GULP1: variants seen among roughly 807,000 people sequenced by gnomAD.
The protein encoded by GULP1 is PTB domain-containing engulfment adapter protein 1.
In GULP1, 19 loss-of-function variants were observed where a neutral mutation model predicts 40.9. That is an observed-to-expected ratio of 0.46 (90% CI 0.32 to 0.68). GULP1 has a LOEUF of 0.68. Ranked by LOEUF, GULP1 falls within the 30% of genes least tolerant of loss-of-function variation. The probability of loss-of-function intolerance (pLI) is 0.03; values close to 1 mark genes in which losing one functional copy is unlikely to be tolerated. For synonymous variants in GULP1, 119 were observed against 117.6 expected (o/e 1.01, Z -0.08); for missense variants, 312 against 362.2 (o/e 0.86, Z 1.12).
At chr2:188,482,575 A>G (rs568953461) in intron 3 of GULP1, among the ~76,000 whole-genome samples, 8 of 151,988 alleles carry the variant, frequency 5.3e-5, no homozygotes, top group African/African-American at 1.4e-4. Flanking sequence ...AAAAAAGCCA[A>G]TCTGTTTCAT....
At chr2:188,327,769 C>T (rs1241680648) in intron 1 of GULP1, among the ~76,000 whole-genome samples, 1 of 152,002 alleles carries the variant, frequency 6.6e-6, no homozygotes, top group Non-Finnish European at 1.5e-5. Flanking sequence ...TTATTTTGCA[C>T]TTAGTAGAAT....
intron 1 of GULP1, among the ~76,000 whole-genome samples, chr2:188,309,157 G>A (rs555210891): frequency 7.9e-5 from 12 of 152,124 alleles, no homozygotes; most frequent in Middle Eastern, 3.4e-3. Context: ...GTAACATCAC[G>A]AATGATCTCT....
At chr2:188,409,927 T>C (rs1452576849) in intron 2 of GULP1, among the ~76,000 whole-genome samples, 1 of 152,176 alleles carries the variant, frequency 6.6e-6, no homozygotes, top group East Asian at 1.9e-4. Flanking sequence ...GCTGGAAGCA[T>C]CACACTACCT....
intron 2 of GULP1, among the ~76,000 whole-genome samples, chr2:188,420,444 C>T (rs1236800081): frequency 6.6e-6 from 1 of 152,108 alleles, no homozygotes; most frequent in Non-Finnish European, 1.5e-5. Flanking sequence ...GGCCTTTTCA[C>T]TCCTGTAGTT....
chr2:188,528,305 T>G (rs111901150), intron 5 of GULP1, among the ~76,000 whole-genome samples: 3 of 152,264 alleles, frequency 2.0e-5, no homozygotes, highest in African/African-American at 7.2e-5. Context: ...TATTAATTGT[T>G]TAATACTCAA....
intron 1 of GULP1, among the ~76,000 whole-genome samples, chr2:188,352,787 A>C (rs771478619): frequency 1.1e-4 from 16 of 152,282 alleles, no homozygotes; most frequent in Non-Finnish European, 2.4e-4. Flanking sequence ...AGGAACTGAA[A>C]TAGGAAAATG....
intron 2 of GULP1, among the ~76,000 whole-genome samples, chr2:188,417,630 A>C (rs2054761145): frequency 6.6e-6 from 1 of 152,230 alleles, no homozygotes; most frequent in African/African-American, 2.4e-5. Context: ...AATTTTAATG[A>C]AAATTTGGCT....
chr2:188,373,084 T>TTA (rs35999526), intron 1 of GULP1, among the ~76,000 whole-genome samples: 38 of 150,610 alleles, frequency 2.5e-4, no homozygotes, highest in Non-Finnish European at 3.6e-4. Context: ...AAGGGAATGA[T>TTA]TATATATATA....
intron 1 of GULP1, among the ~76,000 whole-genome samples, chr2:188,373,438 A>G (rs561097820): frequency 6.6e-6 from 1 of 152,094 alleles, no homozygotes; most frequent in African/African-American, 2.4e-5. Flanking sequence ...CCAGTTTTCA[A>G]TACTGAAATT....
intron 9 of GULP1, among the ~76,000 whole-genome samples, chr2:188,576,688 C>G (rs896766060): frequency 1.3e-5 from 2 of 152,102 alleles, no homozygotes; most frequent in African/African-American, 4.8e-5. Context: ...TTACATACCT[C>G]TGCATCACAC....
intron 8 of GULP1, chr2:188,569,575 T>G (rs1384973370): frequency 2.1e-6 from 1 of 471,894 alleles, no homozygotes; most frequent in Non-Finnish European, 3.8e-6. Flanking sequence ...CTTAGTGTTC[T>G]CATGTGACTT....
At chr2:188,505,686 A>G (rs1202351608) in intron 4 of GULP1, among the ~76,000 whole-genome samples, 1 of 151,866 alleles carries the variant, frequency 6.6e-6, no homozygotes, top group Non-Finnish European at 1.5e-5. Context: ...ATCAGTGCAC[A>G]GTCCTATTCA....
chr2:188,306,195 C>G (rs1181011642), intron 1 of GULP1, among the ~76,000 whole-genome samples: 1 of 152,062 alleles, frequency 6.6e-6, no homozygotes, highest in Non-Finnish European at 1.5e-5. Flanking sequence ...TCAACATGTA[C>G]TTTTCACTTA....
rs1360771365 is a variant in GULP1, at chr2:188,301,961, T to C, written c.-172+9795T>C. ...TACTATATTTCTGGATTTACTGCTG[T>C]GTGAGATAATGAATTTCTTTCTTTT... On this transcript the variant is annotated intron_variant, in intron 1 of 11. Transcript: ENST00000409830. 1.3e-5 allele frequency among the ~76,000 whole-genome samples: 2 copies of C among 152,184 alleles called. 1 individual carries two copies. The highest frequency in any genetic ancestry group is 2.9e-5 in the Non-Finnish European group (2 of 68,034).
rs372357982 is a variant in GULP1 at position 188,567,925 on chromosome 2, A to T, written c.400-1314A>T. On this transcript the variant is annotated intron_variant, in intron 7 of 11. Coordinates refer to ENST00000409830, the MANE Select transcript of GULP1 (RefSeq NM_016315.4). ...TACAAATAATCTTAATATCTAACAC[A>T]ACCAATTAGTTTAAGTCAATGAACA... Among the ~76,000 whole-genome samples, 40 of 152,242 alleles carry T rather than the reference A, an allele frequency of 2.6e-4. 1 individual carries two copies. The highest frequency in any genetic ancestry group is 9.4e-4 in the African/African-American group (39 of 41,562).
chr2:188,573,822 A>G (rs867271456), intron 9 of GULP1, among the ~76,000 whole-genome samples: 3 of 152,218 alleles, frequency 2.0e-5, no homozygotes, highest in South Asian at 4.1e-4. Flanking sequence ...GGTATGGTGT[A>G]TGCAATTAAT....
rs1462302207 is a variant in GULP1 at position 188,364,798 on chromosome 2, CATA to C, written c.-171-18964_-171-18962del. Among the ~76,000 whole-genome samples, 4 of 108,646 alleles carry C rather than the reference CATA, an allele frequency of 3.7e-5. No homozygotes were observed. In the East Asian group the frequency reaches 8.7e-4, roughly 24 times the overall value. The allele number at this position is 108,646 out of a possible 152,430, so 71.3% of individuals were successfully genotyped here. On this transcript the variant is annotated intron_variant, in intron 1 of 11. Transcript: ENST00000409830. ...ACATGATATATATACATATACATAT[CATA>C]TATACATAAATACACATATATACAT...
chr2:188,343,636 T>G (rs947383540), intron 1 of GULP1, among the ~76,000 whole-genome samples: 2 of 152,206 alleles, frequency 1.3e-5, no homozygotes, highest in African/African-American at 2.4e-5. Context: ...TCTTTGAGCA[T>G]GATTCTGCTG....
chr2:188,553,234 A>G (rs1363309816), intron 7 of GULP1, among the ~76,000 whole-genome samples: 2 of 151,966 alleles, frequency 1.3e-5, no homozygotes, highest in African/African-American at 4.8e-5. Flanking sequence ...AGGAGTGATG[A>G]AGGTGGGCAT....
Sources: gnomAD v4.1 joint callset for allele counts (sites outside exome capture counted in the v4.1 genomes callset) on GRCh38, gnomAD v4.1.1 for gene constraint, MANE v1.5 for transcripts, NCBI Gene and HGNC (gene_info 2026-07-23, HGNC 2026-07-21) for gene names.